The following RANBP2 variants were observed in gnomAD, a reference collection of about 807,000 sequenced individuals.
RANBP2 encodes RAN binding protein 2, also known as E3 SUMO-protein ligase RanBP2.
RANBP2 carries 57 observed loss-of-function variants against 303.6 expected under a neutral mutation model. That is an observed-to-expected ratio of 0.19 (90% CI 0.15 to 0.23). The LOEUF is 0.23. RANBP2 is among the 10% of genes least tolerant of loss of function. RANBP2 has a pLI of 1.00. For missense variants in RANBP2, 3,138 were observed against 3,780.8 expected (o/e 0.83, Z 4.46); for synonymous variants, 1,167 against 1,301.5 (o/e 0.90, Z 2.23).
At chr2:109,744,427 A>T in the RANBP2 span, among the ~76,000 whole-genome samples, 5 of 97,520 alleles carry the variant, frequency 5.1e-5, 1 homozygote, top group Non-Finnish European at 7.9e-5. Flanking sequence ...CTTTTGAGAA[A>T]TTTTTTTTTT....
the RANBP2 span, among the ~76,000 whole-genome samples, chr2:109,456,865 T>C: frequency 6.6e-6 from 1 of 152,190 alleles, no homozygotes; most frequent in Admixed American, 6.5e-5. Context: ...GCTTCTCTTC[T>C]GGGGAGAATA....
the RANBP2 span, among the ~76,000 whole-genome samples, chr2:108,822,996 T>A: frequency 4.1e-3 from 623 of 152,064 alleles, 7 homozygotes; most frequent in African/African-American, 0.015. Flanking sequence ...AATAAAAAGG[T>A]TTATAAGACA....
the RANBP2 span, among the ~76,000 whole-genome samples, chr2:108,964,874 AC>A: frequency 1.3e-5 from 2 of 152,228 alleles, no homozygotes; most frequent in African/African-American, 4.8e-5. Flanking sequence ...GTGTAGCATG[AC>A]AAAAACATAC....
the RANBP2 span, among the ~76,000 whole-genome samples, chr2:109,108,325 C>G: frequency 1.3e-5 from 2 of 152,218 alleles, no homozygotes; most frequent in Non-Finnish European, 2.9e-5. Context: ...AGGTGTAAGC[C>G]ACCATGCCTG....
the RANBP2 span, among the ~76,000 whole-genome samples, chr2:109,090,204 G>A: frequency 6.6e-6 from 1 of 151,934 alleles, no homozygotes; most frequent in African/African-American, 2.4e-5. Flanking sequence ...TCCACCTGCT[G>A]CCAATGGTAC....
the RANBP2 span, among the ~76,000 whole-genome samples, chr2:109,444,261 A>G: frequency 6.6e-6 from 1 of 152,248 alleles, no homozygotes; most frequent in Non-Finnish European, 1.5e-5. Context: ...GACTTCTTAA[A>G]AAATACAGTA....
chr2:109,480,163 C>T, the RANBP2 span, among the ~76,000 whole-genome samples: 19 of 152,320 alleles, frequency 1.2e-4, no homozygotes, highest in East Asian at 3.7e-3. Flanking sequence ...ATTAAGACAT[C>T]TGCTTTCAGA....
At chr2:109,582,122 A>G in the RANBP2 span, among the ~76,000 whole-genome samples, 1 of 149,838 alleles carries the variant, frequency 6.7e-6, no homozygotes, top group African/African-American at 2.4e-5. Context: ...ACTCACTCTC[A>G]CGCAAAAACC....
At chr2:108,722,074 A>AT (rs1694306497) in intron 1 of RANBP2, among the ~76,000 whole-genome samples, 1 of 151,438 alleles carries the variant, frequency 6.6e-6, no homozygotes, top group South Asian at 2.1e-4. Flanking sequence ...AAAAAAAAAA[A>AT]GCAAGCTTAG....
the RANBP2 span, chr2:109,552,889 A>T: frequency 2.0e-4 from 123 of 608,164 alleles, no homozygotes; most frequent in Admixed American, 8.2e-4. Flanking sequence ...CTGCTTTAAA[A>T]AAAAAGAAGG....
At chr2:108,971,456 A>G in the RANBP2 span, among the ~76,000 whole-genome samples, 65 of 152,242 alleles carry the variant, frequency 4.3e-4, no homozygotes, top group African/African-American at 1.6e-3. Flanking sequence ...GAGGACTCTC[A>G]ACCCTGCCCG....
At chr2:109,456,922 G>C in the RANBP2 span, among the ~76,000 whole-genome samples, 1 of 152,220 alleles carries the variant, frequency 6.6e-6, no homozygotes, top group African/African-American at 2.4e-5. Flanking sequence ...CAGGGACGAG[G>C]GAAGGAGCAC....
the RANBP2 span, among the ~76,000 whole-genome samples, chr2:108,997,141 G>A: frequency 7.2e-5 from 11 of 152,266 alleles, no homozygotes; most frequent in African/African-American, 2.4e-4. Context: ...TGGGTCTGAA[G>A]CATAAGATGT....
At chr2:109,540,376 T>C in the RANBP2 span, among the ~76,000 whole-genome samples, 8 of 152,176 alleles carry the variant, frequency 5.3e-5, no homozygotes, top group African/African-American at 1.7e-4. Flanking sequence ...TCACTAAGTG[T>C]GGATCTGTAT....
At chr2:108,732,322 C>T (rs1224677718) in intron 4 of RANBP2, among the ~76,000 whole-genome samples, 1 of 152,022 alleles carries the variant, frequency 6.6e-6, no homozygotes, top group Non-Finnish European at 1.5e-5. Flanking sequence ...ATTTAAAATC[C>T]GAAATCCTAA....
the RANBP2 span, among the ~76,000 whole-genome samples, chr2:109,346,816 C>T: frequency 1.3e-5 from 2 of 152,174 alleles, no homozygotes; most frequent in Non-Finnish European, 2.9e-5. Flanking sequence ...TAACCTCTGA[C>T]GGATACAAGA....
chr2:109,727,694 G>GT, the RANBP2 span, among the ~76,000 whole-genome samples: 1 of 152,182 alleles, frequency 6.6e-6, no homozygotes, highest in African/African-American at 2.4e-5. Context: ...AGTGCTCAGA[G>GT]TGGCCTCATG....
the RANBP2 span, chr2:109,437,072 C>T: frequency 5.0e-6 from 8 of 1,613,590 alleles, no homozygotes; most frequent in Non-Finnish European, 6.8e-6. Context: ...CCCACAGCCT[C>T]GCCCCCAACA....
At chr2:109,144,370 T>C in the RANBP2 span, among the ~76,000 whole-genome samples, 1 of 152,178 alleles carries the variant, frequency 6.6e-6, no homozygotes, top group Non-Finnish European at 1.5e-5. Context: ...AAAGTACTTT[T>C]AAAAAACACA....
Sources: allele counts gnomAD v4.1 joint callset (sites outside exome capture counted in the v4.1 genomes callset), GRCh38; gene constraint gnomAD v4.1.1; transcripts MANE v1.5; gene names NCBI Gene and HGNC (gene_info 2026-07-23, HGNC 2026-07-21).